Variants in TPRG1 observed in about 807,000 individuals in gnomAD.
The protein encoded by TPRG1 is tumor protein p63-regulated gene 1 protein.
In TPRG1, 29 loss-of-function variants were observed where a neutral mutation model predicts 29.3. The ratio of observed to expected loss-of-function variants is 0.99; its 90% CI spans 0.74 to 1.35. The LOEUF (loss-of-function observed/expected upper bound fraction) is 1.35, where lower values mean the gene tolerates loss of function less well. Among genes scored for constraint, TPRG1 ranks in the 40% most tolerant of loss-of-function variants. The probability of loss-of-function intolerance (pLI) is 0.00; values close to 1 mark genes in which losing one functional copy is unlikely to be tolerated. For synonymous variants in TPRG1, 130 were observed against 116.8 expected (o/e 1.11, Z -0.73); for missense variants, 327 against 335.0 (o/e 0.98, Z 0.19).
rs372788378 is a variant in TPRG1, at chr3:189,238,946, C to T, written c.479+37C>T. 3.8e-5 allele frequency: 59 copies of T among 1,535,262 alleles called. 1 individual carries two copies. In the African/African-American group the frequency reaches 7.7e-4, roughly 20 times the overall value. ...TCTTATACTTGAAGAAGTGGTGCAGCAGGGATGGACCTGCAGGGAAAACAA... is the reference window on the plus strand; with the variant it reads ...TCTTATACTTGAAGAAGTGGTGCAGTAGGGATGGACCTGCAGGGAAAACAA... On this transcript the variant is annotated intron_variant, in intron 4 of 5. Transcript: ENST00000345063.
In TPRG1 at chr3:189,049,033, G is replaced by T. The variant is rs570922409; in HGVS notation, c.-463+25087G>T. ...ACCCATTCCTGCATGGCACCACAGC[G>T]ATCCACTGGGAGGGTAGCCAGAGGA... is the stretch of plus-strand genomic sequence containing the variant. On this transcript the variant is annotated intron_variant, in intron 4 of 10. Transcript: ENST00000433971. Among the ~76,000 whole-genome samples, 336 of 152,272 alleles carry T rather than the reference G, an allele frequency of 2.2e-3. 1 individual carries two copies. The highest frequency in any genetic ancestry group is 7.9e-3 in the African/African-American group (329 of 41,552).
intron 5 of TPRG1, among the ~76,000 whole-genome samples, chr3:189,312,093 CTTTGTTTCTTTG>C (rs1453124089): frequency 0.037 from 3,512 of 95,012 alleles, 385 homozygotes; most frequent in East Asian, 0.051. Flanking sequence ...TTCTTTCTTT[CTTTGTTTCTTTG>C]TTTCTTTCTT....
intron 2 of TPRG1, among the ~76,000 whole-genome samples, chr3:189,210,739 A>C (rs575772630): frequency 6.6e-6 from 1 of 152,232 alleles, no homozygotes; most frequent in Non-Finnish European, 1.5e-5. Flanking sequence ...CGCTTGCTCA[A>C]TGTCACGGTA....
chr3:189,094,355 C>G (rs894979000), intron 4 of TPRG1, among the ~76,000 whole-genome samples: 13 of 152,200 alleles, frequency 8.5e-5, no homozygotes, highest in African/African-American at 3.1e-4. Context: ...TTTCTCTCTT[C>G]TTCCAACACT....
chr3:189,036,092 G>GA lies in TPRG1; in HGVS notation c.-463+12154dup, dbSNP rs371264377. On this transcript the variant is annotated intron_variant, in intron 4 of 10. Transcript: ENST00000433971. The stretch of plus-strand genomic sequence containing the variant: ...ACACCATGGAATATTATGCACCTAT[G>GA]AAAAAAAACAAAATCCTGTCCTTTG... Among the ~76,000 whole-genome samples, 20 of 151,452 alleles carry GA rather than the reference G, an allele frequency of 1.3e-4. No homozygotes were observed. In the South Asian group the frequency reaches 2.3e-3, roughly 17 times the overall value.
At chr3:189,300,090 G>A (rs909735467) in intron 4 of TPRG1, among the ~76,000 whole-genome samples, 6 of 152,174 alleles carry the variant, frequency 3.9e-5, no homozygotes, top group Non-Finnish European at 8.8e-5. Flanking sequence ...TTATCTTCGT[G>A]TATGCTTACT....
rs560547385 is a variant in TPRG1 at position 189,128,613 on chromosome 3, T to C, written c.-590+1403T>C. Among the ~76,000 whole-genome samples, 308 of 152,324 alleles carry C rather than the reference T, an allele frequency of 2.0e-3. 2 individuals carry two copies. Among genetic ancestry groups the C allele is most frequent in the Non-Finnish European group, 3.9e-3 (265 of 68,026 alleles). On this transcript the variant is annotated intron_variant, in intron 2 of 6. Coordinates refer to the TPRG1 transcript ENST00000412373. ...TTATAATTTTCGAAGTGCCCTCATGTTCCTTATCTCATTTTGACCTCATAT... is the reference window on the plus strand; with the variant it reads ...TTATAATTTTCGAAGTGCCCTCATGCTCCTTATCTCATTTTGACCTCATAT...
intron 3 of TPRG1, among the ~76,000 whole-genome samples, chr3:189,006,655 T>A (rs1712302587): frequency 6.6e-6 from 1 of 151,986 alleles, no homozygotes; most frequent in Non-Finnish European, 1.5e-5. Context: ...TACATATGGA[T>A]TGAGAAACAA....
At chr3:189,044,175 A>G (rs1466940097) in intron 4 of TPRG1, among the ~76,000 whole-genome samples, 1 of 152,204 alleles carries the variant, frequency 6.6e-6, no homozygotes, top group African/African-American at 2.4e-5. Context: ...AAATAAATAA[A>G]TACAAGGCAA....
chr3:189,206,808 CGT>C (rs142505576), intron 1 of TPRG1, among the ~76,000 whole-genome samples: 16 of 147,662 alleles, frequency 1.1e-4, no homozygotes, highest in East Asian at 1.0e-3. Context: ...GCTGAACAAC[CGT>C]GTGTGTGTGT....
intron 1 of TPRG1, among the ~76,000 whole-genome samples, chr3:189,184,555 T>C (rs1730658615): frequency 6.6e-6 from 1 of 152,252 alleles, no homozygotes; most frequent in Admixed American, 6.5e-5. Context: ...TCTTTTGCTC[T>C]TATGTGTGGT....
At chr3:189,217,791 TA>T (rs1422251231) in intron 3 of TPRG1, 3 of 978,152 alleles carry the variant, frequency 3.1e-6, no homozygotes, top group Non-Finnish European at 3.6e-6. Context: ...TAAGAAAAAA[TA>T]ATTGTCAAAA....
At chr3:189,123,297 C>T (rs1437442947) in intron 1 of TPRG1, among the ~76,000 whole-genome samples, 1 of 152,126 alleles carries the variant, frequency 6.6e-6, no homozygotes, top group Non-Finnish European at 1.5e-5. Flanking sequence ...CCTTTCTCTC[C>T]AGCTTTGAGA....
chr3:189,210,763 G>A (rs1347829017), intron 2 of TPRG1, among the ~76,000 whole-genome samples: 1 of 152,316 alleles, frequency 6.6e-6, no homozygotes, highest in East Asian at 1.9e-4. Context: ...AGTGATCACT[G>A]ACTTGCCCAA....
chr3:189,085,611 A>G (rs139857013), intron 4 of TPRG1, among the ~76,000 whole-genome samples: 105 of 152,292 alleles, frequency 6.9e-4, no homozygotes, highest in African/African-American at 2.5e-3. Context: ...ACATGAGCTA[A>G]TAACTAACTC....
At chr3:189,121,291 C>T (rs1390026873) in intron 1 of TPRG1, 2 of 152,146 alleles carry the variant, frequency 1.3e-5, no homozygotes, top group Admixed American at 1.3e-4. Flanking sequence ...TTCCTGGATA[C>T]TCCGGAAGAC....
chr3:189,131,691 C>G (rs950581497), intron 2 of TPRG1, among the ~76,000 whole-genome samples: 2 of 152,130 alleles, frequency 1.3e-5, no homozygotes, highest in Non-Finnish European at 2.9e-5. Flanking sequence ...TCATTAAGAC[C>G]CTTCAGCACT....
chr3:189,270,171 T>C (rs1450657098), intron 4 of TPRG1, among the ~76,000 whole-genome samples: 1 of 148,414 alleles, frequency 6.7e-6, no homozygotes, highest in African/African-American at 2.5e-5. Context: ...TTAAGAAAAA[T>C]AATAATAACA....
intron 5 of TPRG1, among the ~76,000 whole-genome samples, chr3:189,317,009 G>A (rs1301314955): frequency 6.6e-6 from 1 of 152,026 alleles, no homozygotes; most frequent in African/African-American, 2.4e-5. Flanking sequence ...AGAAATGACT[G>A]GAAATGAAGT....
Sources: gnomAD v4.1 joint callset for allele counts (sites outside exome capture counted in the v4.1 genomes callset) on GRCh38, gnomAD v4.1.1 for gene constraint, MANE v1.5 for transcripts, NCBI Gene and HGNC (gene_info 2026-07-23, HGNC 2026-07-21) for gene names.